The following TRPM3 variants were observed in gnomAD, a reference collection of about 807,000 sequenced individuals.
TRPM3 encodes the protein long transient receptor potential channel 3.
TRPM3 carries 77 observed loss-of-function variants against 181.2 expected under a neutral mutation model. That is an observed-to-expected ratio of 0.42 (90% CI 0.35 to 0.51). The LOEUF is 0.51. Ranked by LOEUF, TRPM3 falls within the 20% of genes least tolerant of loss-of-function variation. The probability of loss-of-function intolerance (pLI) is 0.01; values close to 1 mark genes in which losing one functional copy is unlikely to be tolerated. For synonymous variants in TRPM3, 745 were observed against 796.4 expected (o/e 0.94, Z 1.09); for missense variants, 1,759 against 2,196.7 (o/e 0.80, Z 3.98).
intron 5 of TRPM3, among the ~76,000 whole-genome samples, chr9:70,836,261 T>C (rs552237010): frequency 7.4e-4 from 112 of 152,162 alleles, no homozygotes; most frequent in African/African-American, 2.7e-3. Flanking sequence ...ACTTATCACC[T>C]CTCTGTCCCA....
At chr9:70,869,009 G>T (rs2095723332) in intron 1 of TRPM3, 2 of 985,040 alleles carry the variant, frequency 2.0e-6, no homozygotes, top group Non-Finnish European at 1.2e-6. Flanking sequence ...CTGGGTACTG[G>T]CAAAAGCAGT....
At chr9:70,697,213 C>A (rs7860377) in intron 8 of TRPM3, among the ~76,000 whole-genome samples, 53,821 of 152,138 alleles carry the variant, frequency 0.35, 10,004 homozygotes, top group African/African-American at 0.45. Context: ...ATTTTCTGAT[C>A]TGACAATGGA....
intron 1 of TRPM3, among the ~76,000 whole-genome samples, chr9:71,341,022 T>C (rs2090925861): frequency 6.6e-6 from 1 of 152,118 alleles, no homozygotes; most frequent in Non-Finnish European, 1.5e-5. Context: ...TGGAACATCC[T>C]GTGCATTAAA....
At chr9:70,675,320 TG>T (rs2063782153) in intron 9 of TRPM3, among the ~76,000 whole-genome samples, 1 of 152,158 alleles carries the variant, frequency 6.6e-6, no homozygotes, top group African/African-American at 2.4e-5. Flanking sequence ...AGGCTGGTCT[TG>T]AACTCCTGAC....
At chr9:71,002,791 C>A (rs1210552000) in intron 1 of TRPM3, among the ~76,000 whole-genome samples, 1 of 152,072 alleles carries the variant, frequency 6.6e-6, no homozygotes, top group Non-Finnish European at 1.5e-5. Context: ...TAAGATGATA[C>A]TTCATTCCTA....
intron 1 of TRPM3, among the ~76,000 whole-genome samples, chr9:71,157,945 G>C (rs188028110): frequency 6.6e-5 from 10 of 152,210 alleles, no homozygotes; most frequent in African/African-American, 2.2e-4. Context: ...GTCAAAAAAT[G>C]TCTGCATTTG....
chr9:71,025,731 G>A (rs2097890300), intron 1 of TRPM3, among the ~76,000 whole-genome samples: 1 of 152,172 alleles, frequency 6.6e-6, no homozygotes, highest in African/African-American at 2.4e-5. Flanking sequence ...AGATAGTAGA[G>A]AGCAGTCTTC....
intron 1 of TRPM3, among the ~76,000 whole-genome samples, chr9:70,894,326 C>A (rs1168179950): frequency 6.6e-6 from 1 of 152,192 alleles, no homozygotes; most frequent in African/African-American, 2.4e-5. Flanking sequence ...TAGGACCTGG[C>A]AGAGGTCTGC....
At chr9:71,190,914 T>C (rs2077981542) in intron 1 of TRPM3, among the ~76,000 whole-genome samples, 1 of 151,878 alleles carries the variant, frequency 6.6e-6, no homozygotes, top group South Asian at 2.1e-4. Flanking sequence ...CAAAACACTC[T>C]AGTGAAATCT....
At chr9:70,576,577 C>T (rs1342918726) in intron 22 of TRPM3, among the ~76,000 whole-genome samples, 8 of 150,688 alleles carry the variant, frequency 5.3e-5, no homozygotes, top group South Asian at 2.1e-4. Context: ...TGCAATGGTG[C>T]GATCTCGGCT....
At chr9:71,015,149 T>C (rs1002241583) in intron 1 of TRPM3, among the ~76,000 whole-genome samples, 3 of 152,184 alleles carry the variant, frequency 2.0e-5, no homozygotes, top group Non-Finnish European at 4.4e-5. Context: ...ACCTGAACCA[T>C]AGATGGGCTA....
chr9:70,766,927 C>T (rs1275167562), intron 7 of TRPM3, among the ~76,000 whole-genome samples: 1 of 152,340 alleles, frequency 6.6e-6, no homozygotes, highest in East Asian at 1.9e-4. Flanking sequence ...TATAATAGTA[C>T]TTATCTCATA....
At chr9:71,443,258 A>C (rs1245730164) in intron 1 of TRPM3, among the ~76,000 whole-genome samples, 1 of 152,186 alleles carries the variant, frequency 6.6e-6, no homozygotes, top group Non-Finnish European at 1.5e-5. Context: ...AAGCAACATG[A>C]ATTCATAAAG....
chr9:71,003,405 G>T (rs2097637235), intron 1 of TRPM3, among the ~76,000 whole-genome samples: 1 of 144,992 alleles, frequency 6.9e-6, no homozygotes, highest in Non-Finnish European at 1.5e-5. Context: ...TGTGCATATG[G>T]TTTTTTTTTT....
intron 1 of TRPM3, among the ~76,000 whole-genome samples, chr9:71,368,460 T>C (rs1206500875): frequency 6.6e-6 from 1 of 152,164 alleles, no homozygotes; most frequent in Non-Finnish European, 1.5e-5. Flanking sequence ...ACTTTTTGTG[T>C]ACCAAGGGAA....
At chr9:70,860,409 T>C (rs779900010) in intron 3 of TRPM3, among the ~76,000 whole-genome samples, 14 of 152,148 alleles carry the variant, frequency 9.2e-5, no homozygotes, top group Non-Finnish European at 1.3e-4. Flanking sequence ...TTGCTCAGCT[T>C]TAACACCAGA....
intron 11 of TRPM3, among the ~76,000 whole-genome samples, chr9:70,637,382 TC>T (rs1410492153): frequency 6.6e-6 from 1 of 152,092 alleles, no homozygotes; most frequent in African/African-American, 2.4e-5. Context: ...AACAAAGTAT[TC>T]CGGGAAGCCA....
intron 1 of TRPM3, among the ~76,000 whole-genome samples, chr9:71,069,906 C>A (rs614543): frequency 2.6e-5 from 4 of 152,024 alleles, no homozygotes; most frequent in Admixed American, 2.0e-4. Context: ...CAGTGCCCAG[C>A]GAAAATTAAT....
At chr9:70,840,404 T>C (rs1266864609) in intron 5 of TRPM3, among the ~76,000 whole-genome samples, 4 of 152,158 alleles carry the variant, frequency 2.6e-5, no homozygotes, top group Non-Finnish European at 4.4e-5. Context: ...GTCTCTCCCA[T>C]GGTCCACCTG....
Sources: allele counts gnomAD v4.1 joint callset (sites outside exome capture counted in the v4.1 genomes callset), GRCh38; gene constraint gnomAD v4.1.1; transcripts MANE v1.5; gene names NCBI Gene and HGNC (gene_info 2026-07-23, HGNC 2026-07-21).